Variants in RFX3 observed in about 807,000 individuals in gnomAD.
The protein encoded by RFX3 is transcription factor RFX3.
RFX3 carries 14 observed loss-of-function variants against 98.6 expected under a neutral mutation model. The observed-to-expected ratio is 0.14, with a 90% CI of 0.09 to 0.22. The LOEUF is 0.22. RFX3 is among the 10% of genes least tolerant of loss of function. The pLI is 1.00. For missense variants in RFX3, 639 were observed against 926.9 expected, an observed-to-expected ratio of 0.69 and a Z score of 4.03; for synonymous variants, 383 against 328.4, an observed-to-expected ratio of 1.17 and a Z score of -1.80.
chr9:3,505,715 T>C lies in RFX3; in HGVS notation c.-9+20032A>G, dbSNP rs564258106. Among the ~76,000 whole-genome samples, 4 of 151,450 alleles carry C rather than the reference T, an allele frequency of 2.6e-5. No individual in the cohort carries two copies. In the East Asian group the frequency reaches 7.7e-4, roughly 29 times the overall value. On this transcript the variant is annotated intron_variant, in intron 1 of 16. Transcript: ENST00000617270. Reference sequence around the variant, plus strand: ...CAAATGTTACCTTATCTGCAAGGTGTTCTTAATCATCCTATTTAAAATTAC... The same window carrying C: ...CAAATGTTACCTTATCTGCAAGGTGCTCTTAATCATCCTATTTAAAATTAC...
chr9:3,380,976 T>G (rs1366927757), intron 2 of RFX3, among the ~76,000 whole-genome samples: 6 of 152,136 alleles, frequency 3.9e-5, no homozygotes, highest in African/African-American at 1.4e-4. Context: ...GCTGTTGCTT[T>G]GTTATTTTTA....
At chr9:3,516,550 T>C (rs1587917277) in intron 1 of RFX3, among the ~76,000 whole-genome samples, 1 of 152,184 alleles carries the variant, frequency 6.6e-6, no homozygotes, top group Admixed American at 6.5e-5. Context: ...GACCCCAAAG[T>C]AGTCCAAAGG....
At chr9:3,440,657 G>C (rs900521246) in intron 1 of RFX3, among the ~76,000 whole-genome samples, 1 of 152,104 alleles carries the variant, frequency 6.6e-6, no homozygotes. Context: ...GTCAAGTCTT[G>C]CTAAATTCAT....
At chr9:3,511,014 C>A (rs1454654362) in intron 1 of RFX3, among the ~76,000 whole-genome samples, 5 of 151,914 alleles carry the variant, frequency 3.3e-5, no homozygotes, top group Admixed American at 3.3e-4. Context: ...CTTTACTACT[C>A]AGTTTGTCTA....
At chr9:3,509,452 T>C (rs1242349619) in intron 1 of RFX3, among the ~76,000 whole-genome samples, 2 of 151,970 alleles carry the variant, frequency 1.3e-5, no homozygotes, top group South Asian at 2.1e-4. Flanking sequence ...CACTAATACA[T>C]TGATTATGAC....
At chr9:3,255,859 A>C (rs535305) in intron 14 of RFX3, among the ~76,000 whole-genome samples, 115,865 of 152,116 alleles carry the variant, frequency 0.76, 46,500 homozygotes, top group East Asian at 0.9. Context: ...AGTGATTTAT[A>C]TTATTAATAA....
Position 3,495,591 on chromosome 9 carries a change from T to C in RFX3, c.-9+30156A>G, listed in dbSNP as rs117576741. Among the ~76,000 whole-genome samples the C allele has an allele frequency of 4.1e-4, 62 of 152,214 alleles. No homozygotes were observed. The East Asian group carries it at 0.012, about 28-fold the overall frequency. On this transcript the variant is annotated intron_variant, in intron 1 of 16. Coordinates refer to ENST00000617270, the MANE Select transcript of RFX3 (RefSeq NM_001282116.2). ...AAATGTGCAGAACAATAGAATCAGC[T>C]AGTGGTTTTAGTTGAAAGACTGTAT... is the stretch of plus-strand genomic sequence containing the variant.
At chr9:3,354,937 A>G (rs1432874514) in intron 2 of RFX3, among the ~76,000 whole-genome samples, 2 of 151,962 alleles carry the variant, frequency 1.3e-5, no homozygotes, top group Non-Finnish European at 2.9e-5. Flanking sequence ...CAACATATGT[A>G]GAAGTGAAAT....
At chr9:3,349,951 G>C (rs1386730758) in intron 2 of RFX3, among the ~76,000 whole-genome samples, 3 of 151,920 alleles carry the variant, frequency 2.0e-5, no homozygotes, top group Non-Finnish European at 4.4e-5. Context: ...TGTTTGCAAG[G>C]ATAAAAATAT....
At chr9:3,278,564 C>T (rs768110005) in intron 7 of RFX3, among the ~76,000 whole-genome samples, 21 of 151,712 alleles carry the variant, frequency 1.4e-4, no homozygotes, top group Non-Finnish European at 3.1e-4. Flanking sequence ...CTATGAATAA[C>T]AATGACCCTA....
chr9:3,319,169 A>C (rs578000299), intron 4 of RFX3, among the ~76,000 whole-genome samples: 1 of 152,242 alleles, frequency 6.6e-6, no homozygotes, highest in Non-Finnish European at 1.5e-5. Context: ...TCACTAAAAC[A>C]GGCTTTTAAA....
chr9:3,403,904 G>C (rs1479677509), intron 1 of RFX3, among the ~76,000 whole-genome samples: 1 of 152,108 alleles, frequency 6.6e-6, no homozygotes. Context: ...CATCAGAAAA[G>C]ACTCCAATGA....
At chr9:3,485,236 GT>G (rs879660085) in intron 1 of RFX3, among the ~76,000 whole-genome samples, 8 of 152,100 alleles carry the variant, frequency 5.3e-5, no homozygotes, top group Non-Finnish European at 1.0e-4. Context: ...TGTTCTATTG[GT>G]TTTTCCTAAC....
intron 1 of RFX3, among the ~76,000 whole-genome samples, chr9:3,410,734 G>A (rs1002140349): frequency 6.6e-6 from 1 of 152,094 alleles, no homozygotes; most frequent in Non-Finnish European, 1.5e-5. Flanking sequence ...ATTTATCTAC[G>A]CTAAAATGTT....
intron 15 of RFX3, among the ~76,000 whole-genome samples, chr9:3,238,080 C>T (rs554017618): frequency 6.6e-6 from 1 of 152,222 alleles, no homozygotes; most frequent in South Asian, 2.1e-4. Context: ...TGAATTTGTT[C>T]GTGTTTGCAG....
chr9:3,507,648 CTCTCTT>C (rs1817233723), intron 1 of RFX3, among the ~76,000 whole-genome samples: 1 of 151,920 alleles, frequency 6.6e-6, no homozygotes, highest in South Asian at 2.1e-4. Context: ...GGGTGCCCAA[CTCTCTT>C]ATATAAAATA....
intron 1 of RFX3, chr9:3,524,556 TAAA>T: frequency 2.6e-6 from 2 of 771,326 alleles, no homozygotes; most frequent in Non-Finnish European, 1.6e-6. Flanking sequence ...ATGAGGAGAT[TAAA>T]AAAAAAAAAA....
chr9:3,420,777 T>A, intron 1 of RFX3: 1 of 984,854 alleles, frequency 1.0e-6, no homozygotes, highest in East Asian at 1.1e-4. Context: ...TTCTTTCCTT[T>A]ACTTCCTTAC....
rs369432065 is a variant in RFX3, at chr9:3,285,123, T to C, written c.851+3008A>G. ...AAGTTATATTTAATTAACAAAATAA[T>C]CACTGCATAGACTTGCATTTCTTCA... On this transcript the variant is annotated intron_variant, in intron 7 of 16. Transcript: ENST00000617270. Among the ~76,000 whole-genome samples, 227 of 151,914 alleles carry C rather than the reference T, an allele frequency of 1.5e-3. 1 individual carries two copies. The highest frequency in any genetic ancestry group is 5.3e-3 in the African/African-American group (219 of 41,530).
Sources: gnomAD v4.1 joint callset for allele counts (sites outside exome capture counted in the v4.1 genomes callset) on GRCh38, gnomAD v4.1.1 for gene constraint, MANE v1.5 for transcripts, NCBI Gene and HGNC (gene_info 2026-07-23, HGNC 2026-07-21) for gene names.